The following NSMCE2 variants were observed in gnomAD, a reference collection of about 807,000 sequenced individuals.
NSMCE2 encodes E3 SUMO-protein ligase NSE2.
Under a neutral mutation model 23.8 loss-of-function variants are expected in NSMCE2, and 24 were observed. The observed-to-expected ratio is 1.01, with a 90% CI of 0.73 to 1.42. The LOEUF is 1.42. Ranked by LOEUF, NSMCE2 falls within the 40% of genes most tolerant of loss-of-function variation. The probability of loss-of-function intolerance (pLI) is 0.00; values close to 1 mark genes in which losing one functional copy is unlikely to be tolerated. For synonymous variants in NSMCE2, 92 were observed against 94.1 expected, an observed-to-expected ratio of 0.98 and a Z score of 0.13; for missense variants, 284 against 296.5, an observed-to-expected ratio of 0.96 and a Z score of 0.31.
intron 3 of NSMCE2, among the ~76,000 whole-genome samples, chr8:125,145,601 G>A (rs904093514): frequency 1.3e-5 from 2 of 152,158 alleles, no homozygotes; most frequent in Non-Finnish European, 2.9e-5. Context: ...CTCACAGAAT[G>A]GCTTAGTGAA....
intron 5 of NSMCE2, among the ~76,000 whole-genome samples, chr8:125,226,783 CAA>C (rs1701217870): frequency 6.6e-6 from 1 of 152,048 alleles, no homozygotes. Context: ...GCAGGGAGAA[CAA>C]GGAGGAAGAC....
intron 5 of NSMCE2, among the ~76,000 whole-genome samples, chr8:125,344,908 CAT>C (rs1348039193): frequency 6.6e-6 from 1 of 151,560 alleles, no homozygotes; most frequent in African/African-American, 2.4e-5. Flanking sequence ...TTTTGTGAGT[CAT>C]AATTCTACAG....
intron 3 of NSMCE2, among the ~76,000 whole-genome samples, chr8:125,142,236 A>C (rs957190841): frequency 6.6e-6 from 1 of 152,168 alleles, no homozygotes; most frequent in Non-Finnish European, 1.5e-5. Context: ...TAGTCCTCAT[A>C]TCAGCTTTCT....
chr8:125,245,412 T>C (rs566101995), intron 5 of NSMCE2, among the ~76,000 whole-genome samples: 41 of 152,160 alleles, frequency 2.7e-4, no homozygotes, highest in Non-Finnish European at 3.8e-4. Context: ...AAGAAACTTA[T>C]CTATAACACA....
chr8:125,322,374 A>G (rs1347781188), intron 5 of NSMCE2, among the ~76,000 whole-genome samples: 2 of 152,236 alleles, frequency 1.3e-5, no homozygotes, highest in East Asian at 3.8e-4. Context: ...AAGGAAAATC[A>G]TATGATCATC....
At chr8:125,204,953 G>T (rs1824053754) in intron 5 of NSMCE2, among the ~76,000 whole-genome samples, 1 of 152,226 alleles carries the variant, frequency 6.6e-6, no homozygotes, top group African/African-American at 2.4e-5. Context: ...CAAGAGTCAA[G>T]TAGGGCATGG....
intron 5 of NSMCE2, among the ~76,000 whole-genome samples, chr8:125,271,260 CAA>C (rs35443773): frequency 4.7e-5 from 6 of 126,812 alleles, no homozygotes; most frequent in Admixed American, 7.8e-5. Flanking sequence ...GACTCCATCT[CAA>C]AAAAAAAAAA....
At chr8:125,225,475 C>A (rs1378825718) in intron 5 of NSMCE2, among the ~76,000 whole-genome samples, 1 of 152,176 alleles carries the variant, frequency 6.6e-6, no homozygotes, top group Admixed American at 6.5e-5. Context: ...CCTGAGAGAG[C>A]TGCAAAAAGA....
chr8:125,124,791 G>C (rs546972229), intron 3 of NSMCE2, among the ~76,000 whole-genome samples: 53 of 151,914 alleles, frequency 3.5e-4, no homozygotes, highest in African/African-American at 1.2e-3. Flanking sequence ...TCAGGATTTT[G>C]TTGTTGTTGT....
At chr8:125,146,962 G>C (rs1168192905) in intron 3 of NSMCE2, among the ~76,000 whole-genome samples, 1 of 152,060 alleles carries the variant, frequency 6.6e-6, no homozygotes, top group African/African-American at 2.4e-5. Flanking sequence ...ATGTAAGTTT[G>C]ATGTGCTGGC....
rs551464674 is a variant in NSMCE2, at chr8:125,197,111, A to G, written c.418+14855A>G. 1.2e-3 allele frequency among the ~76,000 whole-genome samples: 188 copies of G among 152,280 alleles called. No homozygotes were observed. The Middle Eastern group carries it at 0.014, about 11-fold the overall frequency. ...TCTGGATATTAGCCCTTTATCAGAT[A>G]GGTAGATTGCAAAAATATTCTCCCA... On this transcript the variant is annotated intron_variant, in intron 5 of 7. Coordinates refer to ENST00000287437, the MANE Select transcript of NSMCE2 (RefSeq NM_173685.4).
intron 3 of NSMCE2, among the ~76,000 whole-genome samples, chr8:125,132,261 AT>A (rs923866153): frequency 6.6e-6 from 1 of 152,022 alleles, no homozygotes; most frequent in Non-Finnish European, 1.5e-5. Context: ...TTGCACCTGG[AT>A]AATTTTTCAA....
intron 5 of NSMCE2, among the ~76,000 whole-genome samples, chr8:125,292,171 C>G (rs991794133): frequency 1.3e-5 from 2 of 151,112 alleles, no homozygotes; most frequent in Non-Finnish European, 2.9e-5. Context: ...AGTGACTGTT[C>G]TCAGTGTCTG....
At chr8:125,094,795 C>A (rs1817847880) in intron 1 of NSMCE2, among the ~76,000 whole-genome samples, 1 of 152,188 alleles carries the variant, frequency 6.6e-6, no homozygotes, top group South Asian at 2.1e-4. Flanking sequence ...TTTTATGTGT[C>A]TTCACATGGT....
intron 5 of NSMCE2, among the ~76,000 whole-genome samples, chr8:125,257,626 C>T (rs534796381): frequency 2.7e-5 from 4 of 148,102 alleles, no homozygotes; most frequent in Admixed American, 6.8e-5. Flanking sequence ...CTCCGCCTCC[C>T]GGGTTCACGC....
intron 5 of NSMCE2, among the ~76,000 whole-genome samples, chr8:125,294,008 TCTA>T (rs1482007687): frequency 6.6e-6 from 1 of 152,196 alleles, no homozygotes; most frequent in East Asian, 1.9e-4. Flanking sequence ...AACCACTAAA[TCTA>T]CTTTCTATCT....
At chr8:125,250,011 C>T (rs559119783) in intron 5 of NSMCE2, among the ~76,000 whole-genome samples, 18 of 152,108 alleles carry the variant, frequency 1.2e-4, no homozygotes, top group South Asian at 4.2e-4. Flanking sequence ...ATTTTTGAGA[C>T]GGAGTTTCGC....
chr8:125,183,304 ACTTAAGTT>A (rs1822919140), intron 5 of NSMCE2, among the ~76,000 whole-genome samples: 1 of 152,220 alleles, frequency 6.6e-6, no homozygotes, highest in Non-Finnish European at 1.5e-5. Context: ...TTTACAAATA[ACTTAAGTT>A]TCACAATTTG....
intron 3 of NSMCE2, among the ~76,000 whole-genome samples, chr8:125,102,960 G>C (rs1818269844): frequency 6.6e-6 from 1 of 152,100 alleles, no homozygotes; most frequent in South Asian, 2.1e-4. Flanking sequence ...GTTCAATCAA[G>C]AAGATCTAGA....
Sources: gnomAD v4.1 joint callset for allele counts (sites outside exome capture counted in the v4.1 genomes callset) on GRCh38, gnomAD v4.1.1 for gene constraint, MANE v1.5 for transcripts, NCBI Gene and HGNC (gene_info 2026-07-23, HGNC 2026-07-21) for gene names.